The following CREB5 variants were observed in gnomAD, a reference collection of about 807,000 sequenced individuals.
CREB5 encodes cyclic AMP-responsive element-binding protein 5.
CREB5 carries 19 observed loss-of-function variants against 57.1 expected under a neutral mutation model. The observed-to-expected ratio is 0.33, with a 90% confidence interval of 0.23 to 0.49. CREB5 has a LOEUF of 0.49. Among genes scored for constraint, CREB5 ranks in the 20% least tolerant of loss-of-function variants. CREB5 has a pLI of 0.99. For missense variants in CREB5, 579 were observed against 671.6 expected (o/e 0.86, Z 1.52); for synonymous variants, 238 against 238.3 (o/e 1.00, Z 0.01).
At chr7:28,613,952 C>A (rs751709247) in intron 5 of CREB5, among the ~76,000 whole-genome samples, 1 of 152,086 alleles carries the variant, frequency 6.6e-6, no homozygotes, top group Non-Finnish European at 1.5e-5. Flanking sequence ...TCAGTCTTTA[C>A]TTATTTATTA....
chr7:28,313,026 T>C (rs762221108), intron 1 of CREB5, among the ~76,000 whole-genome samples: 2 of 152,214 alleles, frequency 1.3e-5, no homozygotes, highest in Non-Finnish European at 1.5e-5. Flanking sequence ...GTAGTTTAGG[T>C]CGGTGTTTCT....
intron 5 of CREB5, among the ~76,000 whole-genome samples, chr7:28,650,594 C>G (rs7781632): frequency 0.014 from 2,090 of 152,114 alleles, 56 homozygotes; most frequent in African/African-American, 0.048. Context: ...TAGTGCTTCC[C>G]CCCCCAACCT....
chr7:28,342,906 A>G (rs576750921), intron 1 of CREB5, among the ~76,000 whole-genome samples: 17 of 152,206 alleles, frequency 1.1e-4, no homozygotes, highest in African/African-American at 1.7e-4. Context: ...GAGAACATTC[A>G]GAATCCTTTC....
At chr7:28,717,281 A>G (rs1802747044) in intron 5 of CREB5, among the ~76,000 whole-genome samples, 1 of 151,158 alleles carries the variant, frequency 6.6e-6, no homozygotes, top group Non-Finnish European at 1.5e-5. Flanking sequence ...CTGGTCTCGA[A>G]CTCTTTATAT....
chr7:28,384,186 G>T (rs1048421003), intron 1 of CREB5, among the ~76,000 whole-genome samples: 1 of 152,140 alleles, frequency 6.6e-6, no homozygotes, highest in African/African-American at 2.4e-5. Flanking sequence ...TGAAAAAGAG[G>T]CCAAAGGACG....
At chr7:28,560,841 T>TGCGTGC (rs1562797105) in intron 4 of CREB5, among the ~76,000 whole-genome samples, 1 of 75,062 alleles carries the variant, frequency 1.3e-5, no homozygotes, top group Non-Finnish European at 2.9e-5. Context: ...CGCGTGTGTG[T>TGCGTGC]GTGCGCGTGT....
chr7:28,340,883 C>G (rs577305372), intron 1 of CREB5, among the ~76,000 whole-genome samples: 1 of 152,306 alleles, frequency 6.6e-6, no homozygotes, highest in South Asian at 2.1e-4. Context: ...CAGTTGAGTT[C>G]TGCTCTCTGT....
intron 5 of CREB5, among the ~76,000 whole-genome samples, chr7:28,706,927 G>T (rs1052630925): frequency 3.3e-5 from 5 of 152,200 alleles, no homozygotes; most frequent in Non-Finnish European, 5.9e-5. Context: ...AAGAGATAGT[G>T]GACCATGAGG....
At chr7:28,388,655 C>T (rs928555140) in intron 1 of CREB5, among the ~76,000 whole-genome samples, 6 of 152,062 alleles carry the variant, frequency 3.9e-5, no homozygotes, top group Non-Finnish European at 5.9e-5. Context: ...GAAACTAAGG[C>T]GCAAAAAAAT....
chr7:28,656,582 G>A (rs930344944), intron 5 of CREB5, among the ~76,000 whole-genome samples: 1 of 152,172 alleles, frequency 6.6e-6, no homozygotes, highest in African/African-American at 2.4e-5. Flanking sequence ...GAATAGCAAT[G>A]TTCCAACAAG....
At position 28,603,562 on chromosome 7, in the gene CREB5, G is replaced by A. The variant is rs376878431; in HGVS notation, c.464+33025G>A. On this transcript the variant is annotated intron_variant, in intron 5 of 10. Coordinates refer to ENST00000357727, the MANE Select transcript of CREB5 (RefSeq NM_182898.4). ...ACATTTAGCAGGCTGTGCACAACTTGGACATCCCAACCAGGTGGAAGTTGT... is the reference window on the plus strand; with the variant it reads ...ACATTTAGCAGGCTGTGCACAACTTAGACATCCCAACCAGGTGGAAGTTGT... Among the ~76,000 whole-genome samples the A allele has an allele frequency of 5.3e-5, 8 of 152,156 alleles. No homozygotes were observed. In the East Asian group the frequency reaches 9.6e-4, roughly 18 times the overall value.
chr7:28,667,381 C>G (rs952596364), intron 5 of CREB5, among the ~76,000 whole-genome samples: 1 of 151,172 alleles, frequency 6.6e-6, no homozygotes, highest in African/African-American at 2.4e-5. Context: ...TGAGGGTGTT[C>G]AAATTTTTAA....
intron 8 of CREB5, among the ~76,000 whole-genome samples, chr7:28,808,340 T>A (rs1808875651): frequency 6.6e-6 from 1 of 152,166 alleles, no homozygotes; most frequent in Non-Finnish European, 1.5e-5. Context: ...GGGCTTCTTT[T>A]CATAGGAGTC....
intron 1 of CREB5, among the ~76,000 whole-genome samples, chr7:28,349,091 G>T (rs1378070111): frequency 1.3e-5 from 2 of 152,160 alleles, no homozygotes; most frequent in Non-Finnish European, 2.9e-5. Context: ...ATAATTCCAG[G>T]CTCTGGGGTG....
intron 4 of CREB5, among the ~76,000 whole-genome samples, chr7:28,527,206 C>T (rs1793486941): frequency 1.3e-5 from 2 of 152,228 alleles, no homozygotes; most frequent in South Asian, 2.1e-4. Context: ...TCACTCCTTC[C>T]TAAGCAAAAG....
intron 7 of CREB5, among the ~76,000 whole-genome samples, chr7:28,802,488 G>C (rs1274503372): frequency 6.6e-6 from 1 of 152,084 alleles, no homozygotes. Context: ...CTGTTTCCTT[G>C]CCCAGCAATT....
intron 4 of CREB5, among the ~76,000 whole-genome samples, chr7:28,568,705 G>A (rs1233812711): frequency 6.6e-6 from 1 of 152,144 alleles, no homozygotes; most frequent in African/African-American, 2.4e-5. Context: ...CGACACAGTA[G>A]GCTCACAGTC....
chr7:28,727,817 A>G (rs1379337712), intron 7 of CREB5, among the ~76,000 whole-genome samples: 1 of 152,192 alleles, frequency 6.6e-6, no homozygotes, highest in Non-Finnish European at 1.5e-5. Flanking sequence ...AAGTTTATTC[A>G]GAGTTAGTGA....
chr7:28,341,779 T>G (rs1373221021), intron 1 of CREB5, among the ~76,000 whole-genome samples: 1 of 152,232 alleles, frequency 6.6e-6, no homozygotes, highest in Non-Finnish European at 1.5e-5. Context: ...TCTCTTGCCC[T>G]TGCTCATTTA....
Sources: gnomAD v4.1 joint callset for allele counts (sites outside exome capture counted in the v4.1 genomes callset) on GRCh38, gnomAD v4.1.1 for gene constraint, MANE v1.5 for transcripts, NCBI Gene and HGNC (gene_info 2026-07-23, HGNC 2026-07-21) for gene names.